The following CHRNA10 variants were observed in gnomAD, a reference collection of about 807,000 sequenced individuals.
The protein encoded by CHRNA10 is cholinergic receptor nicotinic alpha 10 subunit, also known as neuronal acetylcholine receptor subunit alpha-10.
In CHRNA10, 31 loss-of-function variants were observed where a neutral mutation model predicts 36.0. The ratio of observed to expected loss-of-function variants is 0.86; its 90% CI spans 0.65 to 1.16. CHRNA10 has a LOEUF of 1.16. Among genes scored for constraint, CHRNA10 ranks in the 50% most tolerant of loss-of-function variants. CHRNA10 has a pLI of 0.00. For synonymous variants in CHRNA10, 302 were observed against 287.0 expected (o/e 1.05, Z -0.53); for missense variants, 648 against 640.9 (o/e 1.01, Z -0.12).
intron 3 of CHRNA10, chr11:3,668,985 G>C (rs2077692208): frequency 7.2e-6 from 4 of 552,644 alleles, no homozygotes; most frequent in Non-Finnish European, 1.3e-5. Flanking sequence ...GTTCCGAGGA[G>C]ACGTTCAGCC....
rs577226577 is a variant in CHRNA10 at position 3,666,435 on chromosome 11, C to G, written c.1025G>C (p.Gly342Ala). Residue 342 changes from glycine to alanine, a missense_variant, in exon 5 of 5, where the codon GGA becomes GCA. Physicochemically the swap from Gly to Ala is moderately conservative, Grantham distance 60. Transcript: ENST00000250699. ...VPAWARALLL[G>A]HLARGLCVRE... ...CACGCACAGGCCCCGTGCCAGGTGT[C>G]CCAGCAGGAGGGCCCTAGCCCAGGC... The G allele has an allele frequency of 1.2e-6, 2 of 1,613,928 alleles. No homozygotes were observed. The highest frequency in any genetic ancestry group is 2.2e-5 in the South Asian group (2 of 91,030).
chr11:3,667,634 C>T lies in CHRNA10; in HGVS notation c.493G>A (p.Ala165Thr), dbSNP rs370625946. Reference sequence around the variant, plus strand: ...CCGAACGTCAGGCCGCAGTGCTGGGCGTCGAACGGGAAGGCTGCTACATCC... The same window carrying T: ...CCGAACGTCAGGCCGCAGTGCTGGGTGTCGAACGGGAAGGCTGCTACATCC... ...RVDVAAFPFD[A>T]QHCGLTFGSW... Residue 165 changes from alanine (A) to threonine (T), a missense_variant, in exon 4 of 5, where the codon GCC (alanine) becomes ACC (threonine). By Grantham distance (58) the Ala-to-Thr change is moderately conservative (BLOSUM62 0). Coordinates refer to ENST00000250699, the MANE Select transcript of CHRNA10 (RefSeq NM_020402.4). 27 of 1,557,334 alleles carry T rather than the reference C, an allele frequency of 1.7e-5. No individual in the cohort carries two copies. Among genetic ancestry groups the T allele is most frequent in the East Asian group, 2.4e-5 (1 of 42,004 alleles).
In CHRNA10 at chr11:3,665,851, C is replaced by CTG. The variant is rs1258806559; in HGVS notation, c.*254_*255dup. 2.1e-5 allele frequency: 9 copies of CTG among 431,940 alleles called. No homozygotes were observed. Among genetic ancestry groups the CTG allele is most frequent in the Middle Eastern group, 5.8e-4 (1 of 1,722 alleles). 26.8% of individuals were successfully genotyped at this position (431,940 alleles called of 1,614,324 possible). ...CACAAACAATTCTGTCCCTCCAAGA[C>CTG]TGTACTCTGTGATCTTGGCCTTTGT... On this transcript the variant is annotated 3_prime_UTR_variant, in exon 5 of 5. Transcript: ENST00000250699.
rs2231546 is a variant in CHRNA10, at chr11:3,666,421, C to T, written c.1039G>A (p.Gly347Ser). Residue 347 changes from glycine (G) to serine (S), a missense_variant, in exon 5 of 5, where the codon GGC becomes AGC. Physicochemically the swap from Gly to Ser is moderately conservative, Grantham distance 56. Transcript: ENST00000250699. ...TCCCCTCTTTCCCGCACGCACAGGC[C>T]CCGTGCCAGGTGTCCCAGCAGGAGG... ...RALLLGHLARGLCVRERGEPC... is the reference protein window; with the variant it reads ...RALLLGHLARSLCVRERGEPC... 0.059 allele frequency: 95,393 copies of T among 1,613,778 alleles called. 3,186 individuals carry two copies. The highest frequency in any genetic ancestry group is 0.068 in the Non-Finnish European group (80,333 of 1,179,808).
In CHRNA10 at chr11:3,669,283, C is replaced by T. The variant is rs199674718; in HGVS notation, c.275G>A (p.Arg92Gln). ...GCCACCATAGGCATTGGGGTCCCATCGTAGGTAGGCATCTGTCCACTCCTG... is the reference window on the plus strand; with the variant it reads ...GCCACCATAGGCATTGGGGTCCCATTGTAGGTAGGCATCTGTCCACTCCTG... ...IRQEWTDAYL[R>Q]WDPNAYGGLD... is the part of the protein sequence containing the mutation. The change falls in exon 3 of 5, where the codon CGA becomes CAA. Residue 92 changes from arginine to glutamine, a missense_variant. Transcript: ENST00000250699. The T allele has an allele frequency of 5.4e-5, 87 of 1,614,024 alleles. 1 individual carries two copies. The East Asian group carries it at 1.4e-3, about 26-fold the overall frequency.
chr11:3,666,122 C>A lies in CHRNA10; in HGVS notation c.1338G>T (p.Leu446=). The A allele has an allele frequency of 6.4e-7, 1 of 1,558,770 alleles. No homozygotes were observed. Among genetic ancestry groups the A allele is most frequent in the Non-Finnish European group, 8.7e-7 (1 of 1,153,154 alleles). The change falls in exon 5 of 5, where the codon CTG becomes CTT. Residue 446 remains leucine (L), a synonymous_variant. Coordinates refer to ENST00000250699, the MANE Select transcript of CHRNA10 (RefSeq NM_020402.4). ...SMALVMSLLV[L]VQAL Reference sequence around the variant, plus strand: ...GTCCCAGCCCTCACAGGGCCTGCACCAGCACCAGGAGGCTCATGACCAGGG... The same window carrying A: ...GTCCCAGCCCTCACAGGGCCTGCACAAGCACCAGGAGGCTCATGACCAGGG...
chr11:3,666,983 C>G (rs116479315), intron 4 of CHRNA10, among the ~76,000 whole-genome samples: 1 of 152,170 alleles, frequency 6.6e-6, no homozygotes, highest in Admixed American at 6.5e-5. Flanking sequence ...AGCAAGCAGT[C>G]GACAGATTTT....
At chr11:3,669,071 G>T in intron 3 of CHRNA10, 125 bp downstream of exon 3, 2 of 1,118,600 alleles carry the variant, frequency 1.8e-6, no homozygotes, top group South Asian at 1.6e-5. Context: ...AGGGTCCTGG[G>T]GAAAAGCTTC....
At chr11:3,669,990 G>A (rs749875197) in intron 1 of CHRNA10, 49 bp from the exon 2 acceptor site, 3 of 1,608,402 alleles carry the variant, frequency 1.9e-6, no homozygotes, top group African/African-American at 2.7e-5. Flanking sequence ...TAGTCCCAGG[G>A]CCTCTGCTCA....
chr11:3,667,402 T>C lies in CHRNA10; in HGVS notation c.725A>G (p.Asn242Ser). The C allele has an allele frequency of 6.2e-7, 1 of 1,600,838 alleles. No individual in the cohort carries two copies. Among genetic ancestry groups the C allele is most frequent in the Non-Finnish European group, 8.5e-7 (1 of 1,177,838 alleles). ...LRRRAAAYVC[N>S]LLLPCVLISL... ...GATGAGCACGCAGGGCAGCAGCAGGTTGCACACGTAGGCGGCGGCGCGGCG... is the reference window on the plus strand; with the variant it reads ...GATGAGCACGCAGGGCAGCAGCAGGCTGCACACGTAGGCGGCGGCGCGGCG... Residue 242 changes from asparagine to serine, a missense_variant, in exon 4 of 5, where the codon AAC becomes AGC. Asn to Ser is a conservative substitution (Grantham distance 46). Transcript: ENST00000250699.
At chr11:3,669,031 A>G (rs2077692794) in intron 3 of CHRNA10, 165 bp downstream of exon 3, 1 of 694,728 alleles carries the variant, frequency 1.4e-6, no homozygotes, top group Non-Finnish European at 2.3e-6. Context: ...TGGGGGTGCC[A>G]TGGAGGGGCT....
rs2231544 is a variant in CHRNA10 at position 3,667,214 on chromosome 11, C to A, written c.895+18G>T. The A allele has an allele frequency of 1.0e-5, 16 of 1,543,982 alleles. No homozygotes were observed. The South Asian group carries it at 1.5e-4, about 15-fold the overall frequency. On this transcript the variant is annotated intron_variant, in intron 4 of 4. Coordinates refer to ENST00000250699, the MANE Select transcript of CHRNA10 (RefSeq NM_020402.4). ...ACCCCAGCGCATCGTCAGGTCCCCC[C>A]GCGCCCCCGCTGCTCACCGATGAGC...
rs151092008 is a variant in CHRNA10, at chr11:3,666,113, G to C, written c.1347C>G (p.Ala449=). 6.5e-7 allele frequency: 1 copy of C among 1,548,560 alleles called. No individual in the cohort carries two copies. Among genetic ancestry groups the C allele is most frequent in the Admixed American group, 2.0e-5 (1 of 50,636 alleles). Residue 449 remains alanine (A), a synonymous_variant, in exon 5 of 5, where the codon GCC becomes GCG. Transcript: ENST00000250699. ...LVMSLLVLVQ[A]L ...TGTGACTTAGTCCCAGCCCTCACAGGGCCTGCACCAGCACCAGGAGGCTCA... is the reference window on the plus strand; with the variant it reads ...TGTGACTTAGTCCCAGCCCTCACAGCGCCTGCACCAGCACCAGGAGGCTCA...
At position 3,666,323 on chromosome 11, in the gene CHRNA10, T is replaced by TG. The variant is rs748764774; in HGVS notation, c.1136dup (p.Ala380SerfsTer38). 2.5e-6 allele frequency: 4 copies of TG among 1,613,324 alleles called. No individual in the cohort carries two copies. Among genetic ancestry groups the TG allele is most frequent in the South Asian group, 1.1e-5 (1 of 91,024 alleles). On this transcript the variant is annotated frameshift_variant, in exon 5 of 5. Coordinates refer to ENST00000250699, the MANE Select transcript of CHRNA10 (RefSeq NM_020402.4). LOFTEE classifies it high-confidence loss of function. Reference sequence around the variant, plus strand: ...ATCGTGGCTCGTGGCAAGGGCCCGCTGGGGGGCCAGCCCCTCCTTCAGGCG... The same window carrying TG: ...ATCGTGGCTCGTGGCAAGGGCCCGCTGGGGGGGCCAGCCCCTCCTTCAGGCG...
rs771933661 is a variant in CHRNA10 at position 3,667,756 on chromosome 11, G to T, written c.371C>A (p.Ala124Glu). The T allele has an allele frequency of 2.6e-6, 4 of 1,537,142 alleles. No individual in the cohort carries two copies. Among genetic ancestry groups the T allele is most frequent in the African/African-American group, 1.4e-5 (1 of 71,350 alleles). Reference protein sequence around the residue: ...PDIVLYNKADAQPPGSASTNV... With the variant: ...PDIVLYNKADEQPPGSASTNV... ...GGTGCTGGCGGAACCTGGAGGCTGCGCGTCGGCTCTGGGGGCAGGCGGGGC... is the reference window on the plus strand; with the variant it reads ...GGTGCTGGCGGAACCTGGAGGCTGCTCGTCGGCTCTGGGGGCAGGCGGGGC... The change falls in exon 4 of 5, where the codon GCG becomes GAG. Residue 124 changes from alanine to glutamate, a missense_variant. Coordinates refer to ENST00000250699, the MANE Select transcript of CHRNA10 (RefSeq NM_020402.4).
At chr11:3,669,095 C>A in intron 3 of CHRNA10, 101 bp downstream of exon 3, 1 of 1,357,708 alleles carries the variant, frequency 7.4e-7, no homozygotes. Context: ...GGCAGCGTGG[C>A]AACCAGGTTA....
rs1372321856 is a variant in CHRNA10, at chr11:3,667,459, T to C, written c.668A>G (p.Tyr223Cys). ...VLTYGCCSEP[Y>C]PDVTFTLLLR... is the part of the protein sequence containing the mutation. ...CAGCAGCGTGAAGGTGACGTCGGGG[T>C]AGGGCTCGGAGCAGCAGCCGTAGGT... The change falls in exon 4 of 5, where the codon TAC (tyrosine) becomes TGC (cysteine). Residue 223 changes from tyrosine (Y) to cysteine (C), a missense_variant. Tyr to Cys is a radical substitution (Grantham distance 194, BLOSUM62 -2). Transcript: ENST00000250699. 1.9e-6 allele frequency: 3 copies of C among 1,590,758 alleles called. No homozygotes were observed. In the South Asian group the frequency reaches 3.3e-5, roughly 18 times the overall value.
In CHRNA10 at chr11:3,669,203, A is replaced by AAC; in HGVS notation, c.354_355insGT (p.Tyr119ValfsTer41). On this transcript the variant is annotated frameshift_variant, in exon 3 of 5. Transcript: ENST00000250699. LOFTEE classifies it high-confidence loss of function. ...GGCCCAGATAGGCAGTACTTGTTATAGAGTACGATGTCTGGCCGCCACACA... is the reference window on the plus strand; with the variant it reads ...GGCCCAGATAGGCAGTACTTGTTATAACGAGTACGATGTCTGGCCGCCACACA... 2.5e-6 allele frequency: 4 copies of AAC among 1,613,022 alleles called. No individual in the cohort carries two copies. In the South Asian group the frequency reaches 4.4e-5, roughly 18 times the overall value.
At chr11:3,667,986 G>C (rs1676090584) in intron 3 of CHRNA10, among the ~76,000 whole-genome samples, 1 of 152,242 alleles carries the variant, frequency 6.6e-6, no homozygotes, top group Non-Finnish European at 1.5e-5. Flanking sequence ...GCTGGAGTCA[G>C]CACTTGCTTA....
Sources: allele counts gnomAD v4.1 joint callset (sites outside exome capture counted in the v4.1 genomes callset), GRCh38; gene constraint gnomAD v4.1.1; transcripts MANE v1.5; gene names NCBI Gene and HGNC (gene_info 2026-07-23, HGNC 2026-07-21).